The following ADAMTSL2 variants were observed in gnomAD, a reference collection of about 807,000 sequenced individuals.
ADAMTSL2 encodes ADAMTS like 2.
ADAMTSL2 carries 55 observed loss-of-function variants against 117.0 expected under a neutral mutation model. The observed-to-expected ratio is 0.47, with a 90% CI of 0.38 to 0.59. ADAMTSL2 has a LOEUF of 0.59. ADAMTSL2 is among the 20% of genes least tolerant of loss of function. The pLI is 0.00. For missense variants in ADAMTSL2, 1,182 were observed against 1,354.5 expected (o/e 0.87, Z 2.00); for synonymous variants, 572 against 566.4 (o/e 1.01, Z -0.14).
At position 133,557,765 on chromosome 9, in the gene ADAMTSL2, T is replaced by C. The variant is rs1277949651; in HGVS notation, c.1649+1835T>C. On this transcript the variant is annotated intron_variant, in intron 11 of 18. Coordinates refer to ENST00000651351, the MANE Select transcript of ADAMTSL2 (RefSeq NM_014694.4). This position sits in a 1 kb window ranked among gnomAD's most constrained non-coding sequence, Gnocchi z 5.2. ...AAACTGAGCCTCCAAGTGGCAGCAG[T>C]GGGGGGTGCCTTTCAGGACCCACTG... is the stretch of plus-strand genomic sequence containing the variant. Among the ~76,000 whole-genome samples the C allele has an allele frequency of 1.3e-5, 2 of 152,252 alleles. No homozygotes were observed. Among genetic ancestry groups the C allele is most frequent in the East Asian group, 3.9e-4 (2 of 5,158 alleles).
chr9:133,562,787 G>T (rs1301638105), intron 12 of ADAMTSL2, among the ~76,000 whole-genome samples: 2 of 121,906 alleles, frequency 1.6e-5, no homozygotes, highest in Non-Finnish European at 3.5e-5. Context: ...TGGGCGGCGT[G>T]GTGGGCACCG....
chr9:133,569,083 A>C (rs1261273719), intron 15 of ADAMTSL2, among the ~76,000 whole-genome samples: 1 of 146,670 alleles, frequency 6.8e-6, no homozygotes. Context: ...CTGTCTCCCC[A>C]TCTCTGTCTC....
intron 12 of ADAMTSL2, among the ~76,000 whole-genome samples, chr9:133,564,582 AGGAG>A (rs1830902612): frequency 9.7e-5 from 2 of 20,532 alleles, no homozygotes; most frequent in African/African-American, 4.6e-4. Context: ...GGGAGAGAGA[AGGAG>A]AGAGAGAGGG....
intron 7 of ADAMTSL2, among the ~76,000 whole-genome samples, chr9:133,541,391 C>G (rs1346364476): frequency 6.6e-6 from 1 of 151,694 alleles, no homozygotes; most frequent in African/African-American, 2.4e-5. Context: ...CAGGTTCGAG[C>G]GATTCTCATT....
Position 133,540,853 on chromosome 9 carries a change from G to GCCCTCT in ADAMTSL2, c.559-14_559-9dup, listed in dbSNP as rs763999425. ...GCCTGGCCACAGCGCCCTCCCAGCAGCCCTCTCCCTCTCCCTTCCTGCAGC... is the reference window on the plus strand; with the variant it reads ...GCCTGGCCACAGCGCCCTCCCAGCAGCCCTCTCCCTCTCCCTCTCCCTTCCTGCAGC... On this transcript the variant is annotated intron_variant, in intron 6 of 18. Coordinates refer to ENST00000651351, the MANE Select transcript of ADAMTSL2 (RefSeq NM_014694.4). The GCCCTCT allele has an allele frequency of 1.4e-5, 22 of 1,613,170 alleles. No individual in the cohort carries two copies. In the South Asian group the frequency reaches 1.9e-4, roughly 14 times the overall value.
chr9:133,569,293 C>T (rs1588310081), intron 15 of ADAMTSL2, 115 bp from the exon 16 acceptor site: 2 of 1,029,042 alleles, frequency 1.9e-6, no homozygotes, highest in Non-Finnish European at 2.9e-6. Context: ...GTTACCATGG[C>T]AACCGCTTCG....
At chr9:133,545,961 C>T (rs1186057508) in intron 8 of ADAMTSL2, among the ~76,000 whole-genome samples, 4 of 151,994 alleles carry the variant, frequency 2.6e-5, no homozygotes, top group Non-Finnish European at 5.9e-5. Context: ...CTGCTTGTTG[C>T]GTCTGTCTGA....
chr9:133,550,114 G>T (rs369162451), intron 9 of ADAMTSL2, among the ~76,000 whole-genome samples: 3 of 152,262 alleles, frequency 2.0e-5, no homozygotes, highest in African/African-American at 7.2e-5. Context: ...CTGTGTGGGG[G>T]TGCCCTGAAG....
chr9:133,546,972 G>A, intron 8 of ADAMTSL2, 66 bp from the exon 9 acceptor site: 10 of 1,536,882 alleles, frequency 6.5e-6, no homozygotes, highest in South Asian at 1.1e-5. Flanking sequence ...GGTTCCCTGA[G>A]TTGGTGACAC....
At chr9:133,574,025 C>T (rs1452774290) in intron 18 of ADAMTSL2, 38 bp downstream of exon 18, 144 of 1,592,816 alleles carry the variant, frequency 9.0e-5, no homozygotes, top group Non-Finnish European at 1.1e-4. Flanking sequence ...TCTGGGAATT[C>T]CCAGGGGAGG....
At chr9:133,567,417 A>G (rs1322859740) in intron 13 of ADAMTSL2, among the ~76,000 whole-genome samples, 1 of 152,216 alleles carries the variant, frequency 6.6e-6, no homozygotes, top group Non-Finnish European at 1.5e-5. Flanking sequence ...CCAAGATTCC[A>G]TGCCTATTGG....
chr9:133,550,577 C>T lies in ADAMTSL2; in HGVS notation c.939+3364C>T, dbSNP rs560017012. On this transcript the variant is annotated intron_variant, in intron 9 of 18. Coordinates refer to ENST00000651351, the MANE Select transcript of ADAMTSL2 (RefSeq NM_014694.4). ...GGCAACTTTTATTTAGGACCAGATT[C>T]AGCACTTCCCCTTCCAGGATGGAAG... Among the ~76,000 whole-genome samples, 13 of 152,230 alleles carry T rather than the reference C, an allele frequency of 8.5e-5. No homozygotes were observed. The South Asian group carries it at 2.7e-3, about 32-fold the overall frequency.
At position 133,555,824 on chromosome 9, in the gene ADAMTSL2, C is replaced by T; in HGVS notation, c.1543C>T (p.Leu515=). The T allele has an allele frequency of 6.2e-7, 1 of 1,613,788 alleles. No individual in the cohort carries two copies. Among genetic ancestry groups the T allele is most frequent in the South Asian group, 1.1e-5 (1 of 91,084 alleles). The change falls in exon 11 of 19, where the codon CTG becomes TTG. Residue 515 remains leucine (L), a synonymous_variant. Transcript: ENST00000651351. The stretch of plus-strand genomic sequence containing the variant: ...CCCTTACCTGCTCAACGGGTCCTAC[C>T]TGGAGCTGAGCAGCGACAGGGTTGC... ...AGPYLLNGSY[L]ELSSDRVANS...
intron 8 of ADAMTSL2, among the ~76,000 whole-genome samples, chr9:133,545,408 G>A (rs1294467363): frequency 6.6e-6 from 1 of 152,212 alleles, no homozygotes; most frequent in Non-Finnish European, 1.5e-5. Context: ...CTAAGGGGGT[G>A]CTGGAAGAGG....
At chr9:133,541,613 A>C (rs1367251188) in intron 7 of ADAMTSL2, among the ~76,000 whole-genome samples, 1 of 152,204 alleles carries the variant, frequency 6.6e-6, no homozygotes, top group South Asian at 2.1e-4. Flanking sequence ...AAAAGGGAGA[A>C]ACTAAGGCCC....
chr9:133,539,663 C>CGGCTGTCCCGGCTGTCCT (rs1159901341), intron 4 of ADAMTSL2, 108 bp from the exon 5 acceptor site: 17 of 1,112,668 alleles, frequency 1.5e-5, no homozygotes, highest in Middle Eastern at 2.1e-4. Context: ...ACGGCTGTCC[C>CGGCTGTCCCGGCTGTCCT]GGCTGTCCCG....
intron 4 of ADAMTSL2, among the ~76,000 whole-genome samples, chr9:133,539,472 A>G (rs1830141893): frequency 6.6e-6 from 1 of 152,198 alleles, no homozygotes; most frequent in Non-Finnish European, 1.5e-5. Flanking sequence ...TCCTAGGGTC[A>G]TGTCCCCTCC....
chr9:133,539,665 G>T (rs1588277939), intron 4 of ADAMTSL2, 106 bp from the exon 5 acceptor site: 1 of 1,136,944 alleles, frequency 8.8e-7, no homozygotes, highest in East Asian at 2.6e-5. Flanking sequence ...GGCTGTCCCG[G>T]CTGTCCCGGC....
At position 133,540,720 on chromosome 9, in the gene ADAMTSL2, G is replaced by A. The variant is rs746924974; in HGVS notation, c.535G>A (p.Val179Ile). ...CTGCAAGCTCACTGACCTGCGAGGG[G>A]TTTGCGTGTCTGGAAAATGTGAGGT... ...TSCKLTDLRG[V>I]CVSGKCEPIG... The change falls in exon 6 of 19, where the codon GTT becomes ATT. Residue 179 changes from valine to isoleucine, a missense_variant. Val to Ile is a conservative substitution (Grantham distance 29). Coordinates refer to ENST00000651351, the MANE Select transcript of ADAMTSL2 (RefSeq NM_014694.4). The A allele has an allele frequency of 6.2e-7, 1 of 1,613,910 alleles. No individual in the cohort carries two copies. The highest frequency in any genetic ancestry group is 8.5e-7 in the Non-Finnish European group (1 of 1,180,048).
Sources: allele counts gnomAD v4.1 joint callset (sites outside exome capture counted in the v4.1 genomes callset), GRCh38; gene constraint gnomAD v4.1.1; non-coding constraint Gnocchi (gnomAD v3.1); transcripts MANE v1.5; gene names NCBI Gene and HGNC (gene_info 2026-07-23, HGNC 2026-07-21).